Variants in CDH1 observed in about 807,000 individuals in gnomAD.
The protein encoded by CDH1 is cadherin-1.
In CDH1, 35 loss-of-function variants were observed where a neutral mutation model predicts 84.5. The observed-to-expected ratio is 0.41, with a 90% CI of 0.32 to 0.55. The LOEUF (loss-of-function observed/expected upper bound fraction) is 0.55. CDH1 is among the 20% of genes least tolerant of loss of function. The pLI is 0.19. For synonymous variants in CDH1, 417 were observed against 439.0 expected, an observed-to-expected ratio of 0.95 and a Z score of 0.63; for missense variants, 994 against 1,126.6, an observed-to-expected ratio of 0.88 and a Z score of 1.68.
At chr16:68,823,982 T>C (rs1596966490) in intron 13 of CDH1, among the ~76,000 whole-genome samples, 1 of 148,104 alleles carries the variant, frequency 6.8e-6, no homozygotes, top group Non-Finnish European at 1.5e-5. Context: ...GGGCCACAGA[T>C]TCTGCATTTC....
At chr16:68,740,494 G>A (rs980362656) in intron 2 of CDH1, among the ~76,000 whole-genome samples, 2 of 151,928 alleles carry the variant, frequency 1.3e-5, no homozygotes, top group African/African-American at 2.4e-5. Flanking sequence ...GTGGCTTCTC[G>A]GGGAAGGCAA....
intron 2 of CDH1, among the ~76,000 whole-genome samples, chr16:68,787,487 G>A (rs1315257049): frequency 1.3e-5 from 2 of 151,628 alleles, no homozygotes; most frequent in African/African-American, 4.8e-5. Context: ...AAGATTTTTT[G>A]TTTTCAGTTT....
At chr16:68,777,334 T>C (rs1472528390) in intron 2 of CDH1, among the ~76,000 whole-genome samples, 1 of 152,170 alleles carries the variant, frequency 6.6e-6, no homozygotes, top group Non-Finnish European at 1.5e-5. Context: ...GCCTCAGTTT[T>C]CTCATTTGTC....
chr16:68,779,365 G>A (rs967231872), intron 2 of CDH1, among the ~76,000 whole-genome samples: 19 of 152,240 alleles, frequency 1.2e-4, no homozygotes, highest in African/African-American at 4.6e-4. Context: ...TAAGGTGATG[G>A]GCTTTGGGGT....
chr16:68,787,103 A>T (rs1042989464), intron 2 of CDH1, among the ~76,000 whole-genome samples: 7 of 152,218 alleles, frequency 4.6e-5, no homozygotes, highest in African/African-American at 1.7e-4. Context: ...GTGCTTGGAA[A>T]ATGTGGCCCT....
At position 68,809,021 on chromosome 16, in the gene CDH1, T is replaced by C. The variant is rs1418515357; in HGVS notation, c.687+173T>C. On this transcript the variant is annotated intron_variant, in intron 5 of 15. Coordinates refer to ENST00000261769, the MANE Select transcript of CDH1 (RefSeq NM_004360.5). ...TGGGAGAACGTGGGACAGTTTGGGGTTGTTAATTTTTCTCCTTGTCAGGAA... is the reference window on the plus strand; with the variant it reads ...TGGGAGAACGTGGGACAGTTTGGGGCTGTTAATTTTTCTCCTTGTCAGGAA... The C allele has an allele frequency of 6.2e-6, 4 of 649,286 alleles. No homozygotes were observed. In the Admixed American group the frequency reaches 1.1e-4, roughly 17 times the overall value. 40.2% of individuals were successfully genotyped at this position (649,286 alleles called of 1,614,324 possible).
At chr16:68,782,174 C>G (rs1597871113) in intron 2 of CDH1, among the ~76,000 whole-genome samples, 1 of 152,184 alleles carries the variant, frequency 6.6e-6, no homozygotes, top group East Asian at 1.9e-4. Context: ...CCACCACACC[C>G]AAAGGCAGGA....
intron 2 of CDH1, among the ~76,000 whole-genome samples, chr16:68,740,266 G>T (rs977048482): frequency 3.9e-5 from 6 of 152,048 alleles, no homozygotes; most frequent in Admixed American, 1.3e-4. Flanking sequence ...TAGCAATCAC[G>T]CTGTTGTCTT....
At chr16:68,791,289 T>TTATTCCCTAATATGCCCTAA (rs1299053256) in intron 2 of CDH1, among the ~76,000 whole-genome samples, 1 of 152,212 alleles carries the variant, frequency 6.6e-6, no homozygotes, top group Non-Finnish European at 1.5e-5. Context: ...TCACTTCCCT[T>TTATTCCCTAATATGCCCTAA]TATTCCCTAA....
intron 14 of CDH1, among the ~76,000 whole-genome samples, chr16:68,828,631 T>C (rs907192361): frequency 2.0e-5 from 3 of 152,210 alleles, no homozygotes; most frequent in Non-Finnish European, 2.9e-5. Context: ...TCATTGCCAT[T>C]CTCTGGACGT....
At chr16:68,828,839 A>G (rs575326678) in intron 14 of CDH1, among the ~76,000 whole-genome samples, 1 of 152,238 alleles carries the variant, frequency 6.6e-6, no homozygotes, top group Admixed American at 6.5e-5. Flanking sequence ...CCTACTTATT[A>G]TAGAAAGGGA....
At position 68,833,474 on chromosome 16, in the gene CDH1, T is replaced by C. The variant is rs900118000; in HGVS notation, c.2624T>C (p.Met875Thr). Reference sequence around the variant, plus strand: ...AATCGCTTCAAGAAGCTGGCTGACATGTACGGAGGCGGCGAGGACGACTAG... The same window carrying C: ...AATCGCTTCAAGAAGCTGGCTGACACGTACGGAGGCGGCGAGGACGACTAG... The part of the protein sequence containing the change: ...WGNRFKKLAD[M>T]YGGGEDD Residue 875 changes from methionine (M) to threonine (T), a missense_variant, in exon 16 of 16, where the codon ATG becomes ACG. Transcript: ENST00000261769. 4 of 1,613,980 alleles carry C rather than the reference T, an allele frequency of 2.5e-6. No homozygotes were observed. The highest frequency in any genetic ancestry group is 3.4e-6 in the Non-Finnish European group (4 of 1,180,008).
intron 2 of CDH1, among the ~76,000 whole-genome samples, chr16:68,755,806 C>T (rs1196100671): frequency 1.3e-5 from 2 of 149,226 alleles, no homozygotes; most frequent in South Asian, 2.1e-4. Context: ...TCTTGTTGCC[C>T]AGGCTAGAGT....
intron 15 of CDH1, among the ~76,000 whole-genome samples, 162 bp downstream of exon 15, chr16:68,829,959 CTTT>C (rs35566564): frequency 1.9e-5 from 2 of 107,996 alleles, no homozygotes; most frequent in Non-Finnish European, 1.7e-5. Context: ...TTTTCTTTTT[CTTT>C]TTTTTTTTTT....
At chr16:68,772,492 A>C (rs1433654725) in intron 2 of CDH1, among the ~76,000 whole-genome samples, 1 of 152,210 alleles carries the variant, frequency 6.6e-6, no homozygotes, top group African/African-American at 2.4e-5. Flanking sequence ...GCGAGAGAAC[A>C]GTCACAGCTG....
At chr16:68,767,268 C>A (rs1959419101) in intron 2 of CDH1, among the ~76,000 whole-genome samples, 1 of 151,886 alleles carries the variant, frequency 6.6e-6, no homozygotes, top group South Asian at 2.1e-4. Context: ...GATCTCAACT[C>A]ACTGCAACCT....
At chr16:68,759,839 G>A (rs1048156764) in intron 2 of CDH1, among the ~76,000 whole-genome samples, 1 of 151,924 alleles carries the variant, frequency 6.6e-6, no homozygotes, top group African/African-American at 2.4e-5. Context: ...CTACAGCTAG[G>A]GGAGCTGGGA....
chr16:68,809,680 C>T (rs1360624445), intron 5 of CDH1, among the ~76,000 whole-genome samples: 1 of 152,120 alleles, frequency 6.6e-6, no homozygotes, highest in Non-Finnish European at 1.5e-5. Flanking sequence ...CGCAGGCCAC[C>T]ACACCCAGTT....
intron 2 of CDH1, among the ~76,000 whole-genome samples, chr16:68,744,885 C>A (rs1010964236): frequency 6.6e-6 from 1 of 152,168 alleles, no homozygotes; most frequent in Non-Finnish European, 1.5e-5. Flanking sequence ...CCCCTGCGCT[C>A]CCTCTCACCC....
Sources: gnomAD v4.1 joint callset for allele counts (sites outside exome capture counted in the v4.1 genomes callset) on GRCh38, gnomAD v4.1.1 for gene constraint, MANE v1.5 for transcripts, NCBI Gene and HGNC (gene_info 2026-07-23, HGNC 2026-07-21) for gene names.